Variants in CPM observed in about 807,000 individuals in gnomAD.
CPM encodes the protein renal carboxypeptidase.
A neutral mutation model predicts 46.4 loss-of-function variants in CPM; 35 were observed. The ratio of observed to expected loss-of-function variants is 0.75; its 90% CI spans 0.58 to 1.00. The LOEUF (loss-of-function observed/expected upper bound fraction) is 1.00, where lower values mean the gene tolerates loss of function less well. Among genes scored for constraint, CPM ranks in the 50% least tolerant of loss-of-function variants. The pLI is 0.00. For missense variants in CPM, 422 were observed against 530.4 expected, an observed-to-expected ratio of 0.80 and a Z score of 2.01; for synonymous variants, 195 against 195.3, an observed-to-expected ratio of 1.00 and a Z score of 0.01.
At chr12:68,892,965 G>A (rs1434695374) in intron 2 of CPM, among the ~76,000 whole-genome samples, 1 of 152,044 alleles carries the variant, frequency 6.6e-6, no homozygotes, top group Non-Finnish European at 1.5e-5. Flanking sequence ...TGGGCCTGTT[G>A]GAGGGTTGGG....
chr12:68,955,690 C>T (rs543291588), intron 1 of CPM, among the ~76,000 whole-genome samples: 40 of 152,248 alleles, frequency 2.6e-4, no homozygotes, highest in Middle Eastern at 6.8e-3. Context: ...TGGGTAGCTC[C>T]TATCCGCAGA....
At chr12:68,846,857 T>C (rs1884330632), downstream of CPM, 2 of 152,166 alleles carry the variant, frequency 1.3e-5, no homozygotes, top group African/African-American at 4.8e-5. Context: ...GAGCCTAGTA[T>C]GGGGTCTGGC....
intron 2 of CPM, among the ~76,000 whole-genome samples, chr12:68,928,393 T>C (rs1888359350): frequency 6.6e-6 from 1 of 152,220 alleles, no homozygotes; most frequent in African/African-American, 2.4e-5. Context: ...AAGACTTAAA[T>C]GTCAAGCTGC....
rs779343663 is a variant in CPM at position 68,885,882 on chromosome 12, G to A, written c.168C>T (p.Asn56=). 2.4e-5 allele frequency: 38 copies of A among 1,612,986 alleles called. No individual in the cohort carries two copies. Among genetic ancestry groups the A allele is most frequent in the East Asian group, 4.5e-5 (2 of 44,874 alleles). Residue 56 remains asparagine (N), a synonymous_variant, in exon 3 of 9, where the codon AAC becomes AAT. Coordinates refer to ENST00000551568, the MANE Select transcript of CPM (RefSeq NM_198320.5). ...HSIGKSVKGR[N]LWVLVVGRFP... ...ACCGCCCCACAACAAGAACCCACAG[G>A]TTTCTACCTTTACAGGAAAAGAAGA...
At chr12:68,868,816 G>T (rs1885568201) in intron 6 of CPM, among the ~76,000 whole-genome samples, 1 of 151,758 alleles carries the variant, frequency 6.6e-6, no homozygotes, top group Non-Finnish European at 1.5e-5. Context: ...GGCAGTATTG[G>T]CTCCCCAAGG....
At chr12:68,858,879 G>T in intron 8 of CPM, 44 bp downstream of exon 8, 1 of 1,234,862 alleles carries the variant, frequency 8.1e-7, no homozygotes, top group Non-Finnish European at 1.1e-6. Context: ...AGTATTATGA[G>T]TTCTATAATA....
At position 68,856,555 on chromosome 12, in the gene CPM, A is replaced by C. The variant is rs1884979631; in HGVS notation, c.1214T>G (p.Val405Gly). The C allele has an allele frequency of 9.9e-6, 16 of 1,614,134 alleles. No homozygotes were observed. The highest frequency in any genetic ancestry group is 1.4e-5 in the Non-Finnish European group (16 of 1,180,044). The change falls in exon 9 of 9, where the codon GTA (valine) becomes GGA (glycine). Residue 405 changes from valine to glycine, a missense_variant. Transcript: ENST00000551568. ...AATCATTGGGCATGAAGGATTTGAT[A>C]CTGGGATAGAATCCAATTGCCCTTG... ...PFQGQLDSIP[V>G]SNPSCPMIPL...
chr12:68,931,744 C>CAAAAAAAAAAAA (rs1230893187), intron 2 of CPM, among the ~76,000 whole-genome samples: 7 of 36,126 alleles, frequency 1.9e-4, no homozygotes, highest in South Asian at 1.2e-3. Context: ...AGACTCTGAC[C>CAAAAAAAAAAAA]AAAAAAAAAA....
At chr12:68,871,730 G>A (rs1885705360) in intron 4 of CPM, 54 bp downstream of exon 4, 10 of 1,590,390 alleles carry the variant, frequency 6.3e-6, no homozygotes, top group South Asian at 2.2e-5. Flanking sequence ...GGTGCCTGTC[G>A]GGAGCCTTTG....
intron 3 of CPM, among the ~76,000 whole-genome samples, chr12:68,883,544 C>G (rs1460086390): frequency 6.6e-6 from 1 of 152,114 alleles, no homozygotes; most frequent in Non-Finnish European, 1.5e-5. Context: ...TAGTCTCAGC[C>G]CTCAGCATTT....
chr12:68,881,150 C>G (rs1477607533), intron 3 of CPM, among the ~76,000 whole-genome samples: 1 of 152,206 alleles, frequency 6.6e-6, no homozygotes, highest in Non-Finnish European at 1.5e-5. Flanking sequence ...CCCTCAGCAT[C>G]AATCAAATGA....
intron 2 of CPM, among the ~76,000 whole-genome samples, chr12:68,905,929 G>A (rs1887325850): frequency 6.6e-6 from 1 of 152,102 alleles, no homozygotes; most frequent in Non-Finnish European, 1.5e-5. Context: ...TGACCACTGG[G>A]GAAGTCAGAT....
At position 68,940,532 on chromosome 12, in the gene CPM, A is replaced by G. The variant is rs116018372; in HGVS notation, c.-3-7692T>C. Among the ~76,000 whole-genome samples, 613 of 149,194 alleles carry G rather than the reference A, an allele frequency of 4.1e-3. 4 individuals are homozygous for G. Among genetic ancestry groups the G allele is most frequent in the African/African-American group, 0.015 (585 of 40,250 alleles). On this transcript the variant is annotated intron_variant, in intron 1 of 8. Coordinates refer to the CPM transcript ENST00000546373. ...AACTATGTGTTAATTGTGTGAAGACATTGTTCTGTCAGGACAGATTCCAAT... is the reference window on the plus strand; with the variant it reads ...AACTATGTGTTAATTGTGTGAAGACGTTGTTCTGTCAGGACAGATTCCAAT...
At chr12:68,933,360 G>A (rs1002215717), upstream of CPM, among the ~76,000 whole-genome samples, 2 of 151,866 alleles carry the variant, frequency 1.3e-5, no homozygotes. Context: ...GGCTGCTGGT[G>A]CCCGCGGCCG....
chr12:68,878,564 C>T (rs750353455), intron 3 of CPM, among the ~76,000 whole-genome samples: 3 of 152,218 alleles, frequency 2.0e-5, no homozygotes, highest in Non-Finnish European at 2.9e-5. Context: ...ATTTCGTCTC[C>T]GACCTGACCA....
chr12:68,953,713 T>A (rs932540269), intron 1 of CPM, among the ~76,000 whole-genome samples: 1 of 152,222 alleles, frequency 6.6e-6, no homozygotes, highest in Non-Finnish European at 1.5e-5. Flanking sequence ...TTGTGACTCA[T>A]CTGTGTGTCT....
At chr12:68,941,435 G>A (rs183432620) in intron 1 of CPM, among the ~76,000 whole-genome samples, 3 of 151,834 alleles carry the variant, frequency 2.0e-5, no homozygotes, top group Admixed American at 6.6e-5. Flanking sequence ...GTGCAGTGAC[G>A]TGATCACAGC....
At chr12:68,890,242 T>A (rs1886599656) in intron 2 of CPM, among the ~76,000 whole-genome samples, 1 of 151,880 alleles carries the variant, frequency 6.6e-6, no homozygotes, top group South Asian at 2.1e-4. Context: ...TCTTAAAAAA[T>A]TAATAATAAT....
intron 1 of CPM, among the ~76,000 whole-genome samples, chr12:68,960,724 C>A (rs931156420): frequency 7.2e-5 from 11 of 152,080 alleles, no homozygotes; most frequent in African/African-American, 2.7e-4. Flanking sequence ...GAACATCAAA[C>A]AAGCATGGAG....
Sources: gnomAD v4.1 joint callset for allele counts (sites outside exome capture counted in the v4.1 genomes callset) on GRCh38, gnomAD v4.1.1 for gene constraint, MANE v1.5 for transcripts, NCBI Gene and HGNC (gene_info 2026-07-23, HGNC 2026-07-21) for gene names.